Variants in SESTD1 observed in about 807,000 individuals in gnomAD.
The protein encoded by SESTD1 is SEC14 and spectrin domain containing 1.
In SESTD1, 43 loss-of-function variants were observed where a neutral mutation model predicts 101.7. That is an observed-to-expected ratio of 0.42 (90% CI 0.33 to 0.55). The LOEUF (loss-of-function observed/expected upper bound fraction) is 0.55. Ranked by LOEUF, SESTD1 falls within the 20% of genes least tolerant of loss-of-function variation. SESTD1 has a pLI of 0.07. For missense variants in SESTD1, 647 were observed against 815.1 expected, an observed-to-expected ratio of 0.79 and a Z score of 2.51; for synonymous variants, 283 against 286.8, an observed-to-expected ratio of 0.99 and a Z score of 0.13.
Position 179,143,678 on chromosome 2 carries a change from G to A in SESTD1, c.763C>T (p.Arg255Ter), listed in dbSNP as rs1325114856. The change falls in exon 9 of 18, where the codon CGA (arginine) becomes TGA (stop). Residue 255 changes from arginine (R) to a stop codon, truncating the protein, a stop_gained. Coordinates refer to ENST00000428443, the MANE Select transcript of SESTD1 (RefSeq NM_178123.5). LOFTEE classifies it high-confidence loss of function. ...TCCTGGTAGCGGGTATATTGCTCTCGGAGTGAATCTAATAATTTCATAACC... is the reference window on the plus strand; with the variant it reads ...TCCTGGTAGCGGGTATATTGCTCTCAGAGTGAATCTAATAATTTCATAACC... ...PQVMKLLDSLREQYTRYQEVC... is the reference protein window; with the variant it reads ...PQVMKLLDSL 4.3e-6 allele frequency: 7 copies of A among 1,613,856 alleles called. No individual in the cohort carries two copies. Among genetic ancestry groups the A allele is most frequent in the South Asian group, 3.3e-5 (3 of 91,074 alleles).
At chr2:179,230,849 A>C (rs1416216750) in intron 1 of SESTD1, among the ~76,000 whole-genome samples, 1 of 152,104 alleles carries the variant, frequency 6.6e-6, no homozygotes, top group Admixed American at 6.5e-5. Flanking sequence ...GTAGCAAGGA[A>C]AATTGACCTG....
intron 5 of SESTD1, among the ~76,000 whole-genome samples, chr2:179,171,711 T>C (rs112902990): frequency 0.013 from 1,986 of 152,260 alleles, 41 homozygotes; most frequent in African/African-American, 0.045. Flanking sequence ...TGGATAACTG[T>C]GTTCATGTAT....
At chr2:179,199,281 A>G (rs1321272011) in intron 1 of SESTD1, among the ~76,000 whole-genome samples, 1 of 152,100 alleles carries the variant, frequency 6.6e-6, no homozygotes, top group Non-Finnish European at 1.5e-5. Flanking sequence ...TGAATAGACC[A>G]ATAACAGGAT....
At position 179,205,996 on chromosome 2, in the gene SESTD1, T is replaced by C. The variant is rs1339264863; in HGVS notation, c.-25-14130A>G. ...AGTCATTAAAAAAAACAAAAATCTT[T>C]CTCTTTCTGGTTATCTTAGTATCTA... On this transcript the variant is annotated intron_variant, in intron 1 of 17. Coordinates refer to ENST00000428443, the MANE Select transcript of SESTD1 (RefSeq NM_178123.5). Among the ~76,000 whole-genome samples, 3 of 134,870 alleles carry C rather than the reference T, an allele frequency of 2.2e-5. No individual in the cohort carries two copies. In the East Asian group the frequency reaches 6.0e-4, roughly 27 times the overall value. 88.5% of individuals were successfully genotyped at this position (134,870 alleles called of 152,430 possible). A position where few individuals can be genotyped will look rare whatever the true frequency, so the allele number is the denominator to read the frequency against.
intron 1 of SESTD1, among the ~76,000 whole-genome samples, chr2:179,217,871 AC>A (rs1209823673): frequency 6.6e-6 from 1 of 152,060 alleles, no homozygotes; most frequent in African/African-American, 2.4e-5. Context: ...TCAGCAAACT[AC>A]CACAAGGACA....
At chr2:179,149,251 AAT>A in intron 7 of SESTD1, 44 bp downstream of exon 7, 1 of 1,324,676 alleles carries the variant, frequency 7.5e-7, no homozygotes, top group South Asian at 1.3e-5. Flanking sequence ...TTATCAGAAT[AAT>A]TATAGTTTTG....
At chr2:179,253,414 C>A (rs1034440974) in intron 1 of SESTD1, among the ~76,000 whole-genome samples, 1 of 152,090 alleles carries the variant, frequency 6.6e-6, no homozygotes. Flanking sequence ...TTAGTTTTGA[C>A]AAATGAACCA....
chr2:179,127,543 T>C (rs2044903394), intron 10 of SESTD1, among the ~76,000 whole-genome samples: 1 of 152,186 alleles, frequency 6.6e-6, no homozygotes, highest in Non-Finnish European at 1.5e-5. Flanking sequence ...AGGGAACATG[T>C]GGCAGTGTCT....
At chr2:179,246,677 T>G (rs77956380) in intron 1 of SESTD1, among the ~76,000 whole-genome samples, 8,584 of 152,214 alleles carry the variant, frequency 0.056, 309 homozygotes, top group South Asian at 0.11. Flanking sequence ...CAGACTAAGA[T>G]AGATCAAACC....
At chr2:179,111,005 C>G (rs1217877776) in intron 17 of SESTD1, among the ~76,000 whole-genome samples, 1 of 152,104 alleles carries the variant, frequency 6.6e-6, no homozygotes, top group African/African-American at 2.4e-5. Context: ...AGACGAGAAG[C>G]TGAAGCAAGC....
chr2:179,249,959 A>G (rs1198387199), intron 1 of SESTD1, among the ~76,000 whole-genome samples: 1 of 152,040 alleles, frequency 6.6e-6, no homozygotes, highest in Admixed American at 6.5e-5. Flanking sequence ...GACTTAAATG[A>G]AAAGTGAAAA....
intron 12 of SESTD1, among the ~76,000 whole-genome samples, chr2:179,122,706 A>G (rs1488008891): frequency 6.6e-6 from 1 of 152,102 alleles, no homozygotes; most frequent in Admixed American, 6.6e-5. Context: ...CCTGGCCAAC[A>G]TGGCAAAACC....
At chr2:179,112,535 T>C (rs1485615420) in intron 17 of SESTD1, among the ~76,000 whole-genome samples, 189 bp downstream of exon 17, 3 of 152,240 alleles carry the variant, frequency 2.0e-5, no homozygotes, top group African/African-American at 7.2e-5. Context: ...GCATCTGTTG[T>C]TGGCAAGTAC....
At chr2:179,115,618 C>G (rs1382044322) in intron 15 of SESTD1, among the ~76,000 whole-genome samples, 1 of 151,986 alleles carries the variant, frequency 6.6e-6, no homozygotes, top group East Asian at 1.9e-4. Context: ...TTTGGCCACA[C>G]TTGCCTGTAG....
chr2:179,128,548 G>T (rs188862798), intron 10 of SESTD1, among the ~76,000 whole-genome samples: 259 of 152,124 alleles, frequency 1.7e-3, no homozygotes, highest in South Asian at 0.016. Flanking sequence ...GGCCAACAGG[G>T]TGAAGCCCCG....
At chr2:179,227,403 C>T (rs990506738) in intron 1 of SESTD1, among the ~76,000 whole-genome samples, 1 of 152,110 alleles carries the variant, frequency 6.6e-6, no homozygotes, top group East Asian at 1.9e-4. Context: ...TTATCTGATA[C>T]CATCCACAAA....
At chr2:179,182,417 G>A (rs1171798033) in intron 3 of SESTD1, among the ~76,000 whole-genome samples, 1 of 152,062 alleles carries the variant, frequency 6.6e-6, no homozygotes. Context: ...CAGAATCTCT[G>A]GAAGTGAACC....
intron 17 of SESTD1, among the ~76,000 whole-genome samples, chr2:179,112,160 A>G (rs2044525467): frequency 6.6e-6 from 1 of 152,172 alleles, no homozygotes; most frequent in South Asian, 2.1e-4. Flanking sequence ...GCCATATAAC[A>G]CAGTACAAAG....
intron 5 of SESTD1, among the ~76,000 whole-genome samples, chr2:179,155,280 C>T (rs1419977032): frequency 6.6e-6 from 1 of 151,954 alleles, no homozygotes; most frequent in Non-Finnish European, 1.5e-5. Context: ...ACAATCAGAT[C>T]CCAGAAAAGA....
Sources: allele counts gnomAD v4.1 joint callset (sites outside exome capture counted in the v4.1 genomes callset), GRCh38; gene constraint gnomAD v4.1.1; transcripts MANE v1.5; gene names NCBI Gene and HGNC (gene_info 2026-07-23, HGNC 2026-07-21).